NCOA2: variants seen among roughly 807,000 people sequenced by gnomAD.
The protein encoded by NCOA2 is nuclear receptor coactivator 2, also known as class E basic helix-loop-helix protein 75.
Under a neutral mutation model 145.1 loss-of-function variants are expected in NCOA2, and 21 were observed. That is an observed-to-expected ratio of 0.14 (90% CI 0.10 to 0.21). The LOEUF (loss-of-function observed/expected upper bound fraction) is 0.21. Ranked by LOEUF, NCOA2 falls within the 10% of genes least tolerant of loss-of-function variation. The pLI, the probability that NCOA2 is intolerant of heterozygous loss-of-function variation, is 1.00. For synonymous variants in NCOA2, 619 were observed against 637.5 expected, an observed-to-expected ratio of 0.97 and a Z score of 0.44; for missense variants, 1,472 against 1,837.6, an observed-to-expected ratio of 0.80 and a Z score of 3.64.
the NCOA2 span, among the ~76,000 whole-genome samples, chr8:70,440,332 G>A: frequency 6.6e-6 from 1 of 152,162 alleles, no homozygotes; most frequent in Non-Finnish European, 1.5e-5. Context: ...AGCAGTGGTG[G>A]CTCACGCCTG....
intron 14 of NCOA2, among the ~76,000 whole-genome samples, chr8:70,139,355 A>G (rs2131763429): frequency 6.6e-6 from 1 of 152,294 alleles, no homozygotes. Context: ...AATAAATTAC[A>G]TTTCTGGATA....
At chr8:70,369,660 G>A (rs1811035537) in intron 1 of NCOA2, among the ~76,000 whole-genome samples, 1 of 152,084 alleles carries the variant, frequency 6.6e-6, no homozygotes, top group South Asian at 2.1e-4. Flanking sequence ...ATATCACCAA[G>A]CAATCCAAAC....
At chr8:70,384,320 G>C (rs1471005510) in intron 1 of NCOA2, among the ~76,000 whole-genome samples, 3 of 150,898 alleles carry the variant, frequency 2.0e-5, no homozygotes, top group African/African-American at 4.9e-5. Flanking sequence ...ACCATTCTTC[G>C]CAAGAGCTTC....
intron 1 of NCOA2, among the ~76,000 whole-genome samples, chr8:70,342,471 A>G (rs987393831): frequency 9.9e-5 from 15 of 152,106 alleles, no homozygotes; most frequent in African/African-American, 3.6e-4. Context: ...TGTTTATACC[A>G]ATGCAAATTA....
At chr8:70,199,841 A>T (rs1817702144) in intron 4 of NCOA2, among the ~76,000 whole-genome samples, 1 of 152,142 alleles carries the variant, frequency 6.6e-6, no homozygotes, top group African/African-American at 2.4e-5. Flanking sequence ...GCTAAAAGAA[A>T]CATCTTTAAT....
chr8:70,250,060 T>G (rs1823006533), intron 2 of NCOA2, among the ~76,000 whole-genome samples: 1 of 151,436 alleles, frequency 6.6e-6, no homozygotes, highest in Non-Finnish European at 1.5e-5. Context: ...TTCATCCTAA[T>G]TTCCAAACTT....
At chr8:70,312,324 A>T (rs1282697189) in intron 1 of NCOA2, among the ~76,000 whole-genome samples, 1 of 152,240 alleles carries the variant, frequency 6.6e-6, no homozygotes, top group Non-Finnish European at 1.5e-5. Context: ...TCCTGGAACA[A>T]GAAAATCCCA....
At chr8:70,428,150 G>C in the NCOA2 span, among the ~76,000 whole-genome samples, 1 of 151,970 alleles carries the variant, frequency 6.6e-6, no homozygotes, top group African/African-American at 2.4e-5. Context: ...CCCCTCGAAG[G>C]TTTTCTCAGA....
intron 1 of NCOA2, among the ~76,000 whole-genome samples, chr8:70,363,079 T>TAAAACAAAAAA (rs1387666196): frequency 1.0e-5 from 1 of 99,810 alleles, no homozygotes; most frequent in Non-Finnish European, 2.0e-5. Context: ...ACTCTGTCTT[T>TAAAACAAAAAA]AAAAAAAAAA....
At chr8:70,210,543 C>T (rs1022974926) in intron 4 of NCOA2, among the ~76,000 whole-genome samples, 7 of 152,332 alleles carry the variant, frequency 4.6e-5, no homozygotes, top group Middle Eastern at 3.4e-3. Flanking sequence ...ACACGGGTCT[C>T]ATAAAGCGCT....
chr8:70,245,403 A>C (rs1466350924), intron 2 of NCOA2: 1 of 152,122 alleles, frequency 6.6e-6, no homozygotes, highest in Non-Finnish European at 1.5e-5. Flanking sequence ...TCATTGAGAT[A>C]ATAGCCTTTT....
the NCOA2 span, among the ~76,000 whole-genome samples, chr8:70,452,045 G>A: frequency 6.6e-6 from 1 of 152,162 alleles, no homozygotes; most frequent in African/African-American, 2.4e-5. Flanking sequence ...CACCATCACA[G>A]CTCACTGCAA....
chr8:70,296,044 A>G (rs930113684), intron 2 of NCOA2, among the ~76,000 whole-genome samples: 1 of 152,250 alleles, frequency 6.6e-6, no homozygotes, highest in African/African-American at 2.4e-5. Flanking sequence ...TTATTACCCG[A>G]TAATTACTTT....
the NCOA2 span, among the ~76,000 whole-genome samples, chr8:70,444,262 G>A: frequency 2.6e-5 from 4 of 152,148 alleles, no homozygotes; most frequent in South Asian, 2.1e-4. Context: ...TATATTGTAC[G>A]ATTCCATTTA....
At chr8:70,129,019 C>T (rs1404616055) in intron 16 of NCOA2, 39 bp from the exon 17 acceptor site, 2 of 1,545,800 alleles carry the variant, frequency 1.3e-6, no homozygotes, top group African/African-American at 2.7e-5. Context: ...AATAATTAAA[C>T]CATAAAAACA....
chr8:70,191,871 T>C (rs1440073372), intron 4 of NCOA2, among the ~76,000 whole-genome samples: 1 of 152,036 alleles, frequency 6.6e-6, no homozygotes, highest in Non-Finnish European at 1.5e-5. Flanking sequence ...CGAAACCCCA[T>C]CTCTACTAAA....
chr8:70,251,681 A>G (rs1823193444), intron 2 of NCOA2, among the ~76,000 whole-genome samples: 1 of 152,240 alleles, frequency 6.6e-6, no homozygotes, highest in South Asian at 2.1e-4. Flanking sequence ...AGGCTCAGAG[A>G]AAGATCCCAA....
intron 1 of NCOA2, chr8:70,357,429 C>G (rs573932874): frequency 6.6e-6 from 1 of 152,296 alleles, no homozygotes; most frequent in Admixed American, 6.5e-5. Context: ...ACTCTCACTG[C>G]TTTACTTGAC....
intron 2 of NCOA2, among the ~76,000 whole-genome samples, chr8:70,259,177 C>G (rs1020570730): frequency 1.3e-5 from 2 of 152,206 alleles, no homozygotes; most frequent in Non-Finnish European, 2.9e-5. Flanking sequence ...CCTCAGAAGG[C>G]CTTTCTTAAG....
Sources: allele counts gnomAD v4.1 joint callset (sites outside exome capture counted in the v4.1 genomes callset), GRCh38; gene constraint gnomAD v4.1.1; transcripts MANE v1.5; gene names NCBI Gene and HGNC (gene_info 2026-07-23, HGNC 2026-07-21).